TBC1D16: variants seen among roughly 807,000 people sequenced by gnomAD.
TBC1D16 encodes CTD-2529O21.1.
Under a neutral mutation model 74.7 loss-of-function variants are expected in TBC1D16, and 58 were observed. That is an observed-to-expected ratio of 0.78 (90% CI 0.63 to 0.97). TBC1D16 has a LOEUF of 0.97. Among genes scored for constraint, TBC1D16 ranks in the 50% least tolerant of loss-of-function variants. The pLI, the probability that TBC1D16 is intolerant of heterozygous loss-of-function variation, is 0.00. For synonymous variants in TBC1D16, 493 were observed against 474.7 expected (o/e 1.04, Z -0.50); for missense variants, 1,014 against 1,079.5 (o/e 0.94, Z 0.85).
In TBC1D16 at chr17:79,979,850, CAG is replaced by C. The variant is rs764623232; in HGVS notation, c.780-27034_780-27033del. On this transcript the variant is annotated intron_variant, in intron 3 of 11. Transcript: ENST00000310924. The surrounding 1 kb of genome is among the most constrained non-coding windows in gnomAD (Gnocchi z 4.8). ...CAAGGAGGGGAGGGGTCTTCACAGA[CAG>C]AGGCCTTGCTATGGGTGGGCTCTGG... Among the ~76,000 whole-genome samples the C allele has an allele frequency of 6.6e-5, 10 of 152,076 alleles. No individual in the cohort carries two copies. Among genetic ancestry groups the C allele is most frequent in the Non-Finnish European group, 1.3e-4 (9 of 68,000 alleles).
At position 80,021,209 on chromosome 17, in the gene TBC1D16, G is replaced by A. The variant is rs561773132; in HGVS notation, c.-62-7600C>T. ...GGAGGTTGCAGTGAGCCGAGATCGT[G>A]CCATTGCACTCCAGCCTGGAAACAA... is the stretch of plus-strand genomic sequence containing the variant. On this transcript the variant is annotated intron_variant, in intron 1 of 11. Coordinates refer to ENST00000310924, the MANE Select transcript of TBC1D16 (RefSeq NM_019020.4). Among the ~76,000 whole-genome samples the A allele has an allele frequency of 2.7e-5, 4 of 149,320 alleles. No individual in the cohort carries two copies. In the South Asian group the frequency reaches 8.5e-4, roughly 32 times the overall value.
chr17:79,964,012 G>A (rs1157979328), intron 3 of TBC1D16, among the ~76,000 whole-genome samples: 1 of 152,118 alleles, frequency 6.6e-6, no homozygotes, highest in East Asian at 1.9e-4. Flanking sequence ...GTCTTGCTCT[G>A]TCGTCCAGGC....
At position 79,950,585 on chromosome 17, in the gene TBC1D16, G is replaced by C. The variant is rs374930434; in HGVS notation, c.1090-7C>G. On this transcript the variant is annotated splice_region_variant and splice_polypyrimidine_tract_variant and intron_variant, in intron 5 of 11. Coordinates refer to ENST00000310924, the MANE Select transcript of TBC1D16 (RefSeq NM_019020.4). The surrounding 1 kb of genome is among the most constrained non-coding windows in gnomAD (Gnocchi z 4.6). ...TCTTATCGGGGGCGACCTGCTGGACGGGAGGAAAACTGGGCAAAGGTCAGG... is the reference window on the plus strand; with the variant it reads ...TCTTATCGGGGGCGACCTGCTGGACCGGAGGAAAACTGGGCAAAGGTCAGG... The C allele has an allele frequency of 7.5e-6, 12 of 1,610,378 alleles. No homozygotes were observed. The African/African-American group carries it at 1.6e-4, about 22-fold the overall frequency.
In TBC1D16 at chr17:80,001,695, G is replaced by A. The variant is rs1028217738; in HGVS notation, c.779+8465C>T. Among the ~76,000 whole-genome samples the A allele has an allele frequency of 1.3e-5, 2 of 152,074 alleles. No homozygotes were observed. Among genetic ancestry groups the A allele is most frequent in the Non-Finnish European group, 2.9e-5 (2 of 68,002 alleles). ...CCAGTTGTCCCTCCCCTGGGTGGCG[G>A]CAGCTCCTGGATATCTGTGCTGCAC... On this transcript the variant is annotated intron_variant, in intron 3 of 11. Transcript: ENST00000310924. The surrounding 1 kb of genome is among the most constrained non-coding windows in gnomAD (Gnocchi z 5.8).
rs1210526063 is a variant in TBC1D16 at position 79,950,534 on chromosome 17, G to A, written c.1134C>T (p.Arg378=). ...DKTCMQFSIR[R]PKLPSSETHP... ...GCGTCTCGGAGGACGGCAGCTTGGG[G>A]CGGCGGATGGAGAACTGCATGCATG... The change falls in exon 6 of 12, where the codon CGC becomes CGT. Residue 378 remains arginine (R), a synonymous_variant. Coordinates refer to ENST00000310924, the MANE Select transcript of TBC1D16 (RefSeq NM_019020.4). The surrounding 1 kb of genome is among the most constrained non-coding windows in gnomAD (Gnocchi z 4.6). 3 of 1,613,300 alleles carry A rather than the reference G, an allele frequency of 1.9e-6. No homozygotes were observed. The highest frequency in any genetic ancestry group is 2.5e-6 in the Non-Finnish European group (3 of 1,179,890).
At position 79,985,520 on chromosome 17, in the gene TBC1D16, AG is replaced by A; in HGVS notation, c.779+24639del. Among the ~76,000 whole-genome samples, 1 of 152,318 alleles carries A rather than the reference AG, an allele frequency of 6.6e-6. No homozygotes were observed. Among genetic ancestry groups the A allele is most frequent in the Non-Finnish European group, 1.5e-5 (1 of 68,018 alleles). On this transcript the variant is annotated intron_variant, in intron 3 of 11. Transcript: ENST00000310924. This position sits in a 1 kb window ranked among gnomAD's most constrained non-coding sequence, Gnocchi z 4.9. Reference sequence around the variant, plus strand: ...CCCCCCAAGGCCAGGCAGGTCCTCGAGGAGCATCTCCCAGTCCAGTCTCAGC... The same window carrying A: ...CCCCCCAAGGCCAGGCAGGTCCTCGAGAGCATCTCCCAGTCCAGTCTCAGC...
In TBC1D16 at chr17:79,954,721, T is replaced by C. The variant is rs1336337110; in HGVS notation, c.780-1903A>G. Reference sequence around the variant, plus strand: ...TCTGCTCATTGAACCGCGGGGCTGCTGTGACTGTGAGAGCTGCTGCCCCGT... The same window carrying C: ...TCTGCTCATTGAACCGCGGGGCTGCCGTGACTGTGAGAGCTGCTGCCCCGT... On this transcript the variant is annotated intron_variant, in intron 3 of 11. Transcript: ENST00000310924. This position sits in a 1 kb window ranked among gnomAD's most constrained non-coding sequence, Gnocchi z 5.5. Among the ~76,000 whole-genome samples, 2 of 152,154 alleles carry C rather than the reference T, an allele frequency of 1.3e-5. No individual in the cohort carries two copies. The highest frequency in any genetic ancestry group is 1.9e-4 in the East Asian group (1 of 5,190).
intron 3 of TBC1D16, among the ~76,000 whole-genome samples, chr17:79,995,385 G>A (rs991480276): frequency 4.6e-5 from 7 of 152,052 alleles, no homozygotes; most frequent in African/African-American, 9.7e-5. Context: ...AATGAAGGAA[G>A]AGCAGCCTCT....
In TBC1D16 at chr17:79,998,150, C is replaced by CAAGAA. The variant is rs200254241; in HGVS notation, c.779+12005_779+12009dup. ...CAAAAAAAAAAAAAAAAAAAAAAGA[C>CAAGAA]AAGAAAAGAAAAGGAAAAAGAATAG... On this transcript the variant is annotated intron_variant, in intron 3 of 11. Coordinates refer to ENST00000310924, the MANE Select transcript of TBC1D16 (RefSeq NM_019020.4). 5.1e-5 allele frequency among the ~76,000 whole-genome samples: 7 copies of CAAGAA among 136,012 alleles called. No homozygotes were observed. The East Asian group carries it at 1.1e-3, about 21-fold the overall frequency. 89.2% of individuals were successfully genotyped at this position (136,012 alleles called of 152,430 possible).
chr17:79,955,259 G>A (rs572730280), intron 3 of TBC1D16, among the ~76,000 whole-genome samples: 50 of 152,286 alleles, frequency 3.3e-4, no homozygotes, highest in African/African-American at 9.9e-4. Context: ...ATTGGGGTAC[G>A]TCTGGCAGGT....
In TBC1D16 at chr17:79,971,820, C is replaced by A. The variant is rs1470626093; in HGVS notation, c.780-19002G>T. Among the ~76,000 whole-genome samples, 1 of 151,862 alleles carries A rather than the reference C, an allele frequency of 6.6e-6. No homozygotes were observed. Among genetic ancestry groups the A allele is most frequent in the Non-Finnish European group, 1.5e-5 (1 of 67,972 alleles). On this transcript the variant is annotated intron_variant, in intron 3 of 11. Coordinates refer to ENST00000310924, the MANE Select transcript of TBC1D16 (RefSeq NM_019020.4). The surrounding 1 kb of genome is among the most constrained non-coding windows in gnomAD (Gnocchi z 4.6). The stretch of plus-strand genomic sequence containing the variant: ...GGAGGTGTCAGACAGGAGCATCCCA[C>A]GGGGTAGGGATGGGGGCTCTGGAAG...
intron 3 of TBC1D16, among the ~76,000 whole-genome samples, chr17:79,999,149 G>A (rs989736526): frequency 2.0e-5 from 3 of 151,974 alleles, no homozygotes; most frequent in Non-Finnish European, 2.9e-5. Flanking sequence ...CCAGCTACTC[G>A]GGAGGCTGAG....
rs577801896 is a variant in TBC1D16 at position 79,944,133 on chromosome 17, C to T, written c.1908+775G>A. On this transcript the variant is annotated intron_variant, in intron 10 of 11. Coordinates refer to ENST00000310924, the MANE Select transcript of TBC1D16 (RefSeq NM_019020.4). This position sits in a 1 kb window ranked among gnomAD's most constrained non-coding sequence, Gnocchi z 7.7. ...CTGCGGTGTGAGTGAGGACAGGAGA[C>T]GCTGACGCAAATGTCTTCCAGCAGA... 2.1e-5 allele frequency: 33 copies of T among 1,535,946 alleles called. No individual in the cohort carries two copies. The East Asian group carries it at 2.2e-4, about 10-fold the overall frequency.
At chr17:79,984,686 CA>C (rs2034756180) in intron 3 of TBC1D16, among the ~76,000 whole-genome samples, 1 of 138,628 alleles carries the variant, frequency 7.2e-6, no homozygotes, top group Non-Finnish European at 1.6e-5. Flanking sequence ...CCCTCCAAAA[CA>C]TGGAAAACAG....
rs1200531447 is a variant in TBC1D16, at chr17:79,983,214, G to A, written c.779+26946C>T. 2.0e-5 allele frequency among the ~76,000 whole-genome samples: 3 copies of A among 152,242 alleles called. No individual in the cohort carries two copies. The highest frequency in any genetic ancestry group is 2.9e-5 in the Non-Finnish European group (2 of 68,040). On this transcript the variant is annotated intron_variant, in intron 3 of 11. Transcript: ENST00000310924. The surrounding 1 kb of genome is among the most constrained non-coding windows in gnomAD (Gnocchi z 5.6). ...GTGGCGGTTCAGAAGACGTGGCAGC[G>A]CGGGAGGGGTTTATGGCAGGGCATG...
rs1166205207 is a variant in TBC1D16, at chr17:79,938,821, G to C, written c.*2038C>G. ...ACCAAGGCTTGGAAAGGCACTTGCT[G>C]TCTCTCCCTCCGTGCCTTTGGCTGT... On this transcript the variant is annotated 3_prime_UTR_variant, in exon 12 of 12. Coordinates refer to ENST00000310924, the MANE Select transcript of TBC1D16 (RefSeq NM_019020.4). The C allele has an allele frequency of 6.6e-6, 1 of 152,368 alleles. No homozygotes were observed. 9.4% of individuals were successfully genotyped at this position (152,368 alleles called of 1,614,324 possible). A position where few individuals can be genotyped will look rare whatever the true frequency, so the allele number is the denominator to read the frequency against.
intron 3 of TBC1D16, among the ~76,000 whole-genome samples, chr17:79,970,833 C>A (rs545152656): frequency 7.3e-6 from 1 of 137,272 alleles, no homozygotes; most frequent in African/African-American, 2.8e-5. Flanking sequence ...AGTCCTTGTA[C>A]GAGTCCCAGT....
At chr17:80,024,592 C>CCACA (rs2036466228) in intron 1 of TBC1D16, among the ~76,000 whole-genome samples, 1 of 116,000 alleles carries the variant, frequency 8.6e-6, no homozygotes, top group South Asian at 2.8e-4. Context: ...ACACCACACA[C>CCACA]CACACACCAT....
At position 79,967,309 on chromosome 17, in the gene TBC1D16, G is replaced by T. The variant is rs1365738549; in HGVS notation, c.780-14491C>A. On this transcript the variant is annotated intron_variant, in intron 3 of 11. Transcript: ENST00000310924. ...TTTAAAAAGGAAAAGGAAGAAGATT[G>T]GAAAAAAAGGAGTAAAACTATCTCT... Among the ~76,000 whole-genome samples, 5 of 151,574 alleles carry T rather than the reference G, an allele frequency of 3.3e-5. No individual in the cohort carries two copies. The East Asian group carries it at 9.7e-4, about 29-fold the overall frequency.
Sources: gnomAD v4.1 joint callset for allele counts (sites outside exome capture counted in the v4.1 genomes callset) on GRCh38, gnomAD v4.1.1 for gene constraint, Gnocchi (gnomAD v3.1) non-coding constraint, MANE v1.5 for transcripts, NCBI Gene and HGNC (gene_info 2026-07-23, HGNC 2026-07-21) for gene names.